The following HSD17B13 variants were observed in gnomAD, a reference collection of about 807,000 sequenced individuals.
The protein encoded by HSD17B13 is 17-beta-hydroxysteroid dehydrogenase 13.
Under a neutral mutation model 31.1 loss-of-function variants are expected in HSD17B13, and 26 were observed. That is an observed-to-expected ratio of 0.84 (90% CI 0.61 to 1.16). The LOEUF (loss-of-function observed/expected upper bound fraction) is 1.16. Among genes scored for constraint, HSD17B13 ranks in the 50% most tolerant of loss-of-function variants. The probability of loss-of-function intolerance (pLI) is 0.00; values close to 1 mark genes in which losing one functional copy is unlikely to be tolerated. For synonymous variants in HSD17B13, 141 were observed against 133.7 expected (o/e 1.05, Z -0.38); for missense variants, 374 against 366.5 (o/e 1.02, Z -0.17).
intron 4 of HSD17B13, 114 bp from the exon 5 acceptor site, chr4:87,314,074 C>T (rs377409191): frequency 1.4e-6 from 1 of 714,374 alleles, no homozygotes. Context: ...AAAAATCAGC[C>T]ACTTGTGATT....
chr4:87,310,872 C>CCTA (rs1734516954), intron 5 of HSD17B13, among the ~76,000 whole-genome samples: 1 of 152,120 alleles, frequency 6.6e-6, no homozygotes, highest in Non-Finnish European at 1.5e-5. Flanking sequence ...AAGGCTGACA[C>CCTA]CTACTGGGCT....
At chr4:87,311,098 A>G (rs1055545792) in intron 5 of HSD17B13, among the ~76,000 whole-genome samples, 5 of 152,214 alleles carry the variant, frequency 3.3e-5, no homozygotes, top group African/African-American at 4.8e-5. Context: ...AGACACTTCC[A>G]CCAGCACTAT....
chr4:87,314,076 C>T, intron 4 of HSD17B13, 116 bp from the exon 5 acceptor site: 1 of 702,796 alleles, frequency 1.4e-6, no homozygotes, highest in Non-Finnish European at 2.2e-6. Flanking sequence ...AAATCAGCCA[C>T]TTGTGATTTT....
chr4:87,322,744 G>A lies in HSD17B13; in HGVS notation c.98C>T (p.Ser33Phe), dbSNP rs747646094. The change falls in exon 1 of 7, where the codon TCT (serine) becomes TTT (phenylalanine). Residue 33 changes from serine to phenylalanine, a missense_variant. Ser to Phe is a radical substitution (Grantham distance 155). Coordinates refer to ENST00000328546, the MANE Select transcript of HSD17B13 (RefSeq NM_178135.5). ...AATGAGAACAATCTCCCCAGCCACA[G>A]ATTTTCTCCTCTGAGGAATGAAAAA... is the stretch of plus-strand genomic sequence containing the variant. ...VKFFIPQRRK[S>F]VAGEIVLITG... 3.1e-6 allele frequency: 5 copies of A among 1,613,948 alleles called. No homozygotes were observed. Among genetic ancestry groups the A allele is most frequent in the Non-Finnish European group, 4.2e-6 (5 of 1,179,876 alleles).
In HSD17B13 at chr4:87,308,553, C is replaced by T. The variant is rs1290240015; in HGVS notation, c.812+1690G>A. On this transcript the variant is annotated intron_variant, in intron 6 of 6. Coordinates refer to ENST00000328546, the MANE Select transcript of HSD17B13 (RefSeq NM_178135.5). Reference sequence around the variant, plus strand: ...AAAATAAGCTGGGCATGGTTGCAGGCGCCTGTAGTCCCAGCAACTAGGGAG... The same window carrying T: ...AAAATAAGCTGGGCATGGTTGCAGGTGCCTGTAGTCCCAGCAACTAGGGAG... Among the ~76,000 whole-genome samples the T allele has an allele frequency of 5.3e-4, 69 of 131,276 alleles. 1 individual carries two copies. The highest frequency in any genetic ancestry group is 4.1e-3 in the Admixed American group (46 of 11,256). 86.1% of individuals were successfully genotyped at this position (131,276 alleles called of 152,430 possible).
rs113428326 is a variant in HSD17B13, at chr4:87,318,935, C to T, written c.211-499G>A. Among the ~76,000 whole-genome samples the T allele has an allele frequency of 3.3e-3, 507 of 152,050 alleles. 3 individuals are homozygous for T. Among genetic ancestry groups the T allele is most frequent in the African/African-American group, 0.011 (470 of 41,490 alleles). ...GTGGCTCACGCCTGTAATCCCAGCA[C>T]TTTAGGAGGCCGAGGAGGGTGGATC... On this transcript the variant is annotated intron_variant, in intron 1 of 6. Transcript: ENST00000328546.
intron 5 of HSD17B13, 130 bp from the exon 6 acceptor site, chr4:87,310,489 G>A: frequency 9.0e-7 from 1 of 1,108,774 alleles, no homozygotes; most frequent in South Asian, 3.2e-5. Flanking sequence ...TCCAGGATTT[G>A]CTGCATTAAT....
In HSD17B13 at chr4:87,310,228, C is replaced by T. The variant is rs1734499564; in HGVS notation, c.812+15G>A. 6.5e-7 allele frequency: 1 copy of T among 1,528,974 alleles called. No homozygotes were observed. Among genetic ancestry groups the T allele is most frequent in the East Asian group, 2.5e-5 (1 of 39,758 alleles). 94.7% of individuals were successfully genotyped at this position (1,528,974 alleles called of 1,614,324 possible). On this transcript the variant is annotated intron_variant, in intron 6 of 6. Coordinates refer to ENST00000328546, the MANE Select transcript of HSD17B13 (RefSeq NM_178135.5). The stretch of plus-strand genomic sequence containing the variant: ...ATTGGTGTTTTAGTATTTGGGTGTT[C>T]TGTGCTGTACTTACTTCTGTAGTCT...
In HSD17B13 at chr4:87,310,163, G is replaced by A. The variant is rs1208175292; in HGVS notation, c.812+80C>T. 19 of 1,427,972 alleles carry A rather than the reference G, an allele frequency of 1.3e-5. 1 individual carries two copies. In the South Asian group the frequency reaches 2.7e-4, roughly 20 times the overall value. 88.5% of individuals were successfully genotyped at this position (1,427,972 alleles called of 1,614,324 possible). ...CAATCCAGCCAGGGTGACAGAGTGAGACTCTGTCTAAAAAAAAAAAAAGCA... is the reference window on the plus strand; with the variant it reads ...CAATCCAGCCAGGGTGACAGAGTGAAACTCTGTCTAAAAAAAAAAAAAGCA... On this transcript the variant is annotated intron_variant, in intron 6 of 6. Coordinates refer to ENST00000328546, the MANE Select transcript of HSD17B13 (RefSeq NM_178135.5).
intron 6 of HSD17B13, among the ~76,000 whole-genome samples, chr4:87,309,963 C>T (rs779123481): frequency 4.6e-5 from 7 of 152,006 alleles, no homozygotes; most frequent in Non-Finnish European, 1.0e-4. Flanking sequence ...AGTTCGAGTC[C>T]AGCCTGGCCA....
At chr4:87,308,485 T>TG (rs1734441282) in intron 6 of HSD17B13, among the ~76,000 whole-genome samples, 1 of 33,218 alleles carries the variant, frequency 3.0e-5, no homozygotes, top group Admixed American at 6.9e-4. Context: ...CCGTCTCTAC[T>TG]AAAAAAAAAA....
intron 1 of HSD17B13, among the ~76,000 whole-genome samples, chr4:87,321,721 C>A (rs574207598): frequency 3.2e-4 from 49 of 151,960 alleles, no homozygotes; most frequent in African/African-American, 1.1e-3. Context: ...AGAAAAAAAA[C>A]AGAAAAGAAT....
intron 1 of HSD17B13, among the ~76,000 whole-genome samples, chr4:87,320,696 G>A (rs1734767133): frequency 6.6e-6 from 1 of 151,998 alleles, no homozygotes; most frequent in Non-Finnish European, 1.5e-5. Context: ...CTATTCTTCT[G>A]TTTTATAACT....
chr4:87,318,843 A>G (rs1458095894), intron 1 of HSD17B13, among the ~76,000 whole-genome samples: 1 of 151,630 alleles, frequency 6.6e-6, no homozygotes, highest in Admixed American at 6.6e-5. Flanking sequence ...AAAATGAACA[A>G]TTAACATTCA....
chr4:87,309,118 C>T (rs1734465554), intron 6 of HSD17B13, among the ~76,000 whole-genome samples: 1 of 152,066 alleles, frequency 6.6e-6, no homozygotes, highest in East Asian at 1.9e-4. Context: ...CATGATGGCT[C>T]ATGCCTGTAA....
chr4:87,307,943 G>A (rs1049445988), intron 6 of HSD17B13, among the ~76,000 whole-genome samples: 1 of 152,172 alleles, frequency 6.6e-6, no homozygotes, highest in Non-Finnish European at 1.5e-5. Context: ...TCTATTTCAA[G>A]TTTGTTCATA....
Position 87,310,300 on chromosome 4 carries a change from G to A in HSD17B13, c.755C>T (p.Thr252Ile), listed in dbSNP as rs148313652. 1.0e-5 allele frequency: 16 copies of A among 1,580,724 alleles called. No homozygotes were observed. The African/African-American group carries it at 1.9e-4, about 19-fold the overall frequency. ...TGGAACAAAAATCATTTTCTTATTG[G>A]TAAGTATTCCATCTATCAGACTTCT... ...VVRSLIDGIL[T>I]NKKMIFVPSY... The change falls in exon 6 of 7, where the codon ACC becomes ATC. Residue 252 changes from threonine to isoleucine, a missense_variant. Coordinates refer to ENST00000328546, the MANE Select transcript of HSD17B13 (RefSeq NM_178135.5).
Position 87,315,511 on chromosome 4 carries a change from G to A in HSD17B13, c.539C>T (p.Pro180Leu), listed in dbSNP as rs146019745. ...VASVCGHEGI[P>L]YLIPYCSSKF... ...TACTTACCAATATGGGATGAGGTAA[G>A]GAATCCCTTCGTGGCCGCACACTGA... The change falls in exon 4 of 7, where the codon CCT becomes CTT. Residue 180 changes from proline (P) to leucine (L), a missense_variant. Pro to Leu is a moderately conservative substitution (Grantham distance 98). Transcript: ENST00000328546. The A allele has an allele frequency of 3.0e-5, 49 of 1,607,594 alleles. No individual in the cohort carries two copies. Among genetic ancestry groups the A allele is most frequent in the Non-Finnish European group, 3.9e-5 (46 of 1,174,650 alleles).
At chr4:87,315,216 CA>C (rs1734624151) in intron 4 of HSD17B13, among the ~76,000 whole-genome samples, 1 of 152,186 alleles carries the variant, frequency 6.6e-6, no homozygotes, top group Non-Finnish European at 1.5e-5. Context: ...ACCAAGTAAC[CA>C]GTGGAAACCT....
Sources: gnomAD v4.1 joint callset for allele counts (sites outside exome capture counted in the v4.1 genomes callset) on GRCh38, gnomAD v4.1.1 for gene constraint, MANE v1.5 for transcripts, NCBI Gene and HGNC (gene_info 2026-07-23, HGNC 2026-07-21) for gene names.